The following CPEB2 variants were observed in gnomAD, a reference collection of about 807,000 sequenced individuals.
CPEB2 encodes the protein cytoplasmic polyadenylation element binding protein 2.
Under a neutral mutation model 93.6 loss-of-function variants are expected in CPEB2, and 56 were observed. That is an observed-to-expected ratio of 0.60 (90% CI 0.48 to 0.75). The LOEUF (loss-of-function observed/expected upper bound fraction) is 0.75. Ranked by LOEUF, CPEB2 falls within the 30% of genes least tolerant of loss-of-function variation. The pLI is 0.00. For missense variants in CPEB2, 1,579 were observed against 1,395.1 expected, an observed-to-expected ratio of 1.13 and a Z score of -2.10; for synonymous variants, 764 against 586.3, an observed-to-expected ratio of 1.30 and a Z score of -4.38.
intron 5 of CPEB2, among the ~76,000 whole-genome samples, chr4:15,037,213 A>G (rs1294626569): frequency 6.6e-6 from 1 of 151,508 alleles, no homozygotes; most frequent in East Asian, 1.9e-4. Context: ...GAGGCAGGAG[A>G]GTGGCGTGAA....
Position 15,002,873 on chromosome 4 carries a change from T to C in CPEB2, c.200T>C (p.Val67Ala), listed in dbSNP as rs1451859502. The C allele has an allele frequency of 1.3e-6, 2 of 1,523,954 alleles. No homozygotes were observed. The highest frequency in any genetic ancestry group is 2.1e-5 in the Admixed American group (1 of 48,568). 94.4% of individuals were successfully genotyped at this position (1,523,954 alleles called of 1,614,324 possible). A position where few individuals can be genotyped will look rare whatever the true frequency, so the allele number is the denominator to read the frequency against. The change falls in exon 1 of 12, where the codon GTC (valine) becomes GCC (alanine). Residue 67 changes from valine (V) to alanine (A), a missense_variant. Coordinates refer to ENST00000538197, the MANE Select transcript of CPEB2 (RefSeq NM_001177382.2). ...TTAGAGGCCGCCTCCCCCTTCTCCGTCCCCCTCGGCGGCGGCGCGGGCAGC... is the reference window on the plus strand; with the variant it reads ...TTAGAGGCCGCCTCCCCCTTCTCCGCCCCCCTCGGCGGCGGCGCGGGCAGC... Reference protein sequence around the residue: ...GFLEAASPFSVPLGGGAGSPA... With the variant: ...GFLEAASPFSAPLGGGAGSPA...
At chr4:15,023,694 C>T (rs1336571911) in intron 4 of CPEB2, among the ~76,000 whole-genome samples, 1 of 151,422 alleles carries the variant, frequency 6.6e-6, no homozygotes, top group East Asian at 1.9e-4. Flanking sequence ...AGTCTCCTTC[C>T]TCCTCCTTGT....
intron 6 of CPEB2, among the ~76,000 whole-genome samples, chr4:15,045,375 A>G (rs1164136440): frequency 6.6e-6 from 1 of 152,178 alleles, no homozygotes; most frequent in African/African-American, 2.4e-5. Context: ...ATACCTGTAC[A>G]TATGTGTGTA....
intron 4 of CPEB2, among the ~76,000 whole-genome samples, chr4:15,020,569 C>T (rs998073772): frequency 2.0e-5 from 3 of 152,092 alleles, no homozygotes; most frequent in African/African-American, 4.8e-5. Context: ...TTTTTCAGGA[C>T]AGTAGGGAAC....
At chr4:15,058,699 C>T (rs182034000) in intron 9 of CPEB2, among the ~76,000 whole-genome samples, 160 bp downstream of exon 9, 7 of 152,296 alleles carry the variant, frequency 4.6e-5, no homozygotes, top group African/African-American at 1.4e-4. Flanking sequence ...AACCCCTGGG[C>T]AGTGGACCAG....
rs1286479160 is a variant in CPEB2, at chr4:15,003,153, C to T, written c.480C>T (p.Thr160=). The T allele has an allele frequency of 3.9e-6, 6 of 1,534,400 alleles. No homozygotes were observed. Among genetic ancestry groups the T allele is most frequent in the Non-Finnish European group, 5.2e-6 (6 of 1,146,192 alleles). The change falls in exon 1 of 12, where the codon ACC becomes ACT. Residue 160 remains threonine, a synonymous_variant. Coordinates refer to ENST00000538197, the MANE Select transcript of CPEB2 (RefSeq NM_001177382.2). ...CCTCCTCCTGCTGCTGCTGCCGCAC[C>T]TCCTCCCCGCAGGACTTCAGTAAGC... The part of the protein sequence containing the change: ...SSASSCCCCR[T]SSPQDFSKRQ...
intron 1 of CPEB2, among the ~76,000 whole-genome samples, chr4:15,005,918 A>G (rs1478251656): frequency 6.6e-6 from 1 of 152,212 alleles, no homozygotes; most frequent in Non-Finnish European, 1.5e-5. Context: ...ACAGAAAATT[A>G]TCTGTAGGTA....
chr4:15,061,125 G>A (rs1280666415), intron 10 of CPEB2, among the ~76,000 whole-genome samples: 2 of 152,032 alleles, frequency 1.3e-5, no homozygotes, highest in Non-Finnish European at 2.9e-5. Context: ...GTTAAATATC[G>A]AGTTGTCCAG....
intron 11 of CPEB2, among the ~76,000 whole-genome samples, chr4:15,065,792 C>T (rs1174668082): frequency 1.3e-5 from 2 of 152,076 alleles, no homozygotes; most frequent in African/African-American, 2.4e-5. Flanking sequence ...TGTTCGGGTT[C>T]TGCCATCTCA....
chr4:15,032,625 A>G lies in CPEB2; in HGVS notation c.2126-536A>G, dbSNP rs1370667227. Among the ~76,000 whole-genome samples the G allele has an allele frequency of 3.3e-5, 5 of 152,228 alleles. No individual in the cohort carries two copies. The South Asian group carries it at 6.2e-4, about 19-fold the overall frequency. ...TTAAATTTTCAATAATATTTGTAAT[A>G]TAAGATGTTTTCATTAAACTAATTT... On this transcript the variant is annotated intron_variant, in intron 4 of 11. Transcript: ENST00000538197.
chr4:15,066,571 GCTTA>G lies in CPEB2; in HGVS notation c.*194_*197del, dbSNP rs1216970783. 1.5e-5 allele frequency: 8 copies of G among 522,686 alleles called. No homozygotes were observed. The highest frequency in any genetic ancestry group is 2.7e-5 in the Non-Finnish European group (8 of 296,086). The allele number at this position is 522,686 out of a possible 1,614,324, so 32.4% of individuals were successfully genotyped here. On this transcript the variant is annotated 3_prime_UTR_variant, in exon 12 of 12. Coordinates refer to ENST00000538197, the MANE Select transcript of CPEB2 (RefSeq NM_001177382.2). The stretch of plus-strand genomic sequence containing the variant: ...TTTTCACCAAAACCCTACATCTCAG[GCTTA>G]CTAATTTTTGTGATATTTTCATGTT...
rs547568341 is a variant in CPEB2 at position 15,052,579 on chromosome 4, A to C, written c.2366A>C (p.Asp789Ala). Residue 789 changes from aspartate to alanine, a missense_variant, in exon 7 of 12, where the codon GAT becomes GCT. Around this residue, in one of 2 missense-constraint regions of CPEB2, gnomAD observed 168 missense variants for 339.1 expected, o/e 0.50. Transcript: ENST00000538197. ...GTTGGTGGTCTTCCTCCAGATATTG[A>C]TGAAGGTATTTATTAAGATATTTAT... ...VFVGGLPPDI[D>A]EDEITASFRR... is the part of the protein sequence containing the mutation. 6.6e-7 allele frequency: 1 copy of C among 1,511,194 alleles called. No individual in the cohort carries two copies. The highest frequency in any genetic ancestry group is 9.0e-7 in the Non-Finnish European group (1 of 1,117,018). The allele number at this position is 1,511,194 out of a possible 1,614,324, so 93.6% of individuals were successfully genotyped here.
At chr4:15,009,902 T>TA (rs1403986374) in intron 3 of CPEB2, among the ~76,000 whole-genome samples, 1 of 152,230 alleles carries the variant, frequency 6.6e-6, no homozygotes, top group African/African-American at 2.4e-5. Context: ...CCCTCCCACT[T>TA]AGACTTCAAT....
chr4:15,017,224 T>C lies in CPEB2; in HGVS notation c.2071T>C (p.Ser691Pro), dbSNP rs754810826. The C allele has an allele frequency of 6.2e-7, 1 of 1,603,624 alleles. No homozygotes were observed. The highest frequency in any genetic ancestry group is 8.5e-7 in the Non-Finnish European group (1 of 1,172,378). ...AATGTATGACAGTTTGAATATGCAC[T>C]CTTTGGAAAATTCCCTTATCGATAT... ...SRMYDSLNMHSLENSLIDIMR... is the reference protein window; with the variant it reads ...SRMYDSLNMHPLENSLIDIMR... The change falls in exon 4 of 12, where the codon TCT (serine) becomes CCT (proline). Residue 691 changes from serine to proline, a missense_variant. Coordinates refer to ENST00000538197, the MANE Select transcript of CPEB2 (RefSeq NM_001177382.2).
chr4:15,059,058 T>C, intron 9 of CPEB2, 129 bp from the exon 10 acceptor site: 6 of 522,706 alleles, frequency 1.1e-5, no homozygotes, highest in Non-Finnish European at 2.0e-5. Context: ...ATAAAAATAA[T>C]TTGTTTCCAG....
intron 6 of CPEB2, among the ~76,000 whole-genome samples, chr4:15,045,267 T>C (rs2702515): frequency 0.73 from 110,693 of 152,096 alleles, 41,127 homozygotes; most frequent in East Asian, 0.97. Flanking sequence ...GCTTCTAAAT[T>C]CTCAGATGTT....
At chr4:15,020,754 C>T (rs974407149) in intron 4 of CPEB2, among the ~76,000 whole-genome samples, 4 of 152,104 alleles carry the variant, frequency 2.6e-5, no homozygotes, top group African/African-American at 7.2e-5. Flanking sequence ...TGCACGTTGT[C>T]GGAGACAGAC....
Position 15,066,381 on chromosome 4 carries a change from G to C in CPEB2, c.*1G>C, listed in dbSNP as rs1285024409. On this transcript the variant is annotated 3_prime_UTR_variant, in exon 12 of 12. Coordinates refer to ENST00000538197, the MANE Select transcript of CPEB2 (RefSeq NM_001177382.2). ...TCAGATCCACTTCCGCTGGAACTAAGAATAGCAAACTGGCCTCTGTTTAAC... is the reference window on the plus strand; with the variant it reads ...TCAGATCCACTTCCGCTGGAACTAACAATAGCAAACTGGCCTCTGTTTAAC... The C allele has an allele frequency of 1.9e-6, 3 of 1,589,220 alleles. No individual in the cohort carries two copies. The Admixed American group carries it at 5.4e-5, about 29-fold the overall frequency.
chr4:15,037,041 G>A (rs1034595358), intron 5 of CPEB2, among the ~76,000 whole-genome samples: 4 of 152,080 alleles, frequency 2.6e-5, no homozygotes, highest in Non-Finnish European at 5.9e-5. Flanking sequence ...AATGGCTCAC[G>A]CCTGTAATCC....
Sources: gnomAD v4.1 joint callset for allele counts (sites outside exome capture counted in the v4.1 genomes callset) on GRCh38, gnomAD v4.1.1 for gene constraint, gnomAD v4.1.1 regional missense constraint, MANE v1.5 for transcripts, NCBI Gene and HGNC (gene_info 2026-07-23, HGNC 2026-07-21) for gene names.